Variants in AGBL4 observed in about 807,000 individuals in gnomAD.
AGBL4 encodes the protein AGBL carboxypeptidase 4.
A neutral mutation model predicts 66.4 loss-of-function variants in AGBL4; 58 were observed. The observed-to-expected ratio is 0.87, with a 90% CI of 0.71 to 1.09. The LOEUF is 1.09. Among genes scored for constraint, AGBL4 ranks in the 50% least tolerant of loss-of-function variants. The pLI is 0.00. For missense variants in AGBL4, 579 were observed against 631.0 expected (o/e 0.92, Z 0.88); for synonymous variants, 234 against 222.9 (o/e 1.05, Z -0.44).
intron 2 of AGBL4, among the ~76,000 whole-genome samples, chr1:49,723,061 T>C (rs1648733980): frequency 6.6e-6 from 1 of 152,136 alleles, no homozygotes; most frequent in Admixed American, 6.6e-5. Context: ...TTATCCTTTT[T>C]TTCAACAACG....
intron 1 of AGBL4, among the ~76,000 whole-genome samples, chr1:49,933,526 G>A (rs1653584810): frequency 6.6e-6 from 1 of 152,036 alleles, no homozygotes. Flanking sequence ...TAATGATAGA[G>A]TATAAATAAC....
In AGBL4 at chr1:48,747,383, G is replaced by A. The variant is rs560640547; in HGVS notation, c.635-84142C>T. Among the ~76,000 whole-genome samples, 133 of 152,284 alleles carry A rather than the reference G, an allele frequency of 8.7e-4. 1 individual carries two copies. Among genetic ancestry groups the A allele is most frequent in the African/African-American group, 3.2e-3 (132 of 41,548 alleles). ...AAGCTTTTAAAAAGTATGAAAGGTA[G>A]TACTTGTCTTTTCATTCAATCATTC... On this transcript the variant is annotated intron_variant, in intron 6 of 13. Transcript: ENST00000371839.
chr1:49,762,066 CA>C (rs1231981330), intron 2 of AGBL4, among the ~76,000 whole-genome samples: 1 of 152,146 alleles, frequency 6.6e-6, no homozygotes, highest in African/African-American at 2.4e-5. Flanking sequence ...TTTGACATAC[CA>C]ATTTCATCTC....
At chr1:49,483,297 A>G (rs1177802198) in intron 3 of AGBL4, among the ~76,000 whole-genome samples, 2 of 152,080 alleles carry the variant, frequency 1.3e-5, no homozygotes, top group Non-Finnish European at 2.9e-5. Context: ...GGCAATAAAA[A>G]CTATAAAACA....
chr1:49,374,611 C>G (rs1644433816), intron 3 of AGBL4, among the ~76,000 whole-genome samples: 1 of 152,116 alleles, frequency 6.6e-6, no homozygotes, highest in Non-Finnish European at 1.5e-5. Flanking sequence ...ATGTAGTGCT[C>G]TCAAAGAATT....
intron 6 of AGBL4, among the ~76,000 whole-genome samples, chr1:48,776,415 T>A (rs748893286): frequency 6.6e-5 from 10 of 152,004 alleles, no homozygotes; most frequent in Non-Finnish European, 1.2e-4. Flanking sequence ...AAGGGGACCA[T>A]CCGGTCTTTT....
chr1:49,733,158 C>G (rs1288815859), intron 2 of AGBL4, among the ~76,000 whole-genome samples: 1 of 152,126 alleles, frequency 6.6e-6, no homozygotes, highest in Non-Finnish European at 1.5e-5. Flanking sequence ...AGGAAAACTA[C>G]TTTCAACAAA....
At chr1:48,539,464 T>C (rs996961392) in intron 12 of AGBL4, among the ~76,000 whole-genome samples, 178 bp downstream of exon 12, 2 of 151,894 alleles carry the variant, frequency 1.3e-5, no homozygotes, top group Non-Finnish European at 2.9e-5. Context: ...AATGACACTT[T>C]CTTTATGCTC....
At chr1:48,855,123 G>A (rs1570840545) in intron 6 of AGBL4, among the ~76,000 whole-genome samples, 1 of 152,110 alleles carries the variant, frequency 6.6e-6, no homozygotes. Flanking sequence ...CTAGGCCTGA[G>A]GCCTGCCTTC....
At chr1:48,891,247 A>AGTAT (rs1650931738) in intron 5 of AGBL4, among the ~76,000 whole-genome samples, 1 of 150,472 alleles carries the variant, frequency 6.6e-6, no homozygotes, top group Non-Finnish European at 1.5e-5. Flanking sequence ...AGTGTGGATC[A>AGTAT]GGTCACAGGA....
At chr1:48,583,341 C>A (rs1557804774) in intron 11 of AGBL4, among the ~76,000 whole-genome samples, 2 of 152,194 alleles carry the variant, frequency 1.3e-5, no homozygotes, top group South Asian at 4.1e-4. Context: ...AAGCTATTTC[C>A]TTTAACCTCA....
At chr1:49,472,439 T>C (rs1646763601) in intron 3 of AGBL4, among the ~76,000 whole-genome samples, 1 of 151,848 alleles carries the variant, frequency 6.6e-6, no homozygotes, top group African/African-American at 2.4e-5. Flanking sequence ...ATAAACAAGC[T>C]TGAAACAAAA....
chr1:49,796,157 C>T (rs751029007), intron 2 of AGBL4, among the ~76,000 whole-genome samples: 2 of 151,686 alleles, frequency 1.3e-5, no homozygotes, highest in African/African-American at 2.4e-5. Context: ...CAAATATTAA[C>T]AAATACATTA....
chr1:49,151,489 A>G (rs1336498082), intron 4 of AGBL4, among the ~76,000 whole-genome samples: 1 of 151,344 alleles, frequency 6.6e-6, no homozygotes, highest in Non-Finnish European at 1.5e-5. Flanking sequence ...ATGTTGGCCC[A>G]TTACCCATCT....
At chr1:49,015,968 C>T (rs1662791139) in intron 5 of AGBL4, among the ~76,000 whole-genome samples, 1 of 152,128 alleles carries the variant, frequency 6.6e-6, no homozygotes, top group African/African-American at 2.4e-5. Context: ...GTCACATATG[C>T]CTTCAAGCCT....
rs904890799 is a variant in AGBL4, at chr1:48,539,068, CCTT to C, written c.1364+571_1364+573del. 2.2e-4 allele frequency among the ~76,000 whole-genome samples: 33 copies of C among 152,244 alleles called. 1 individual carries two copies. Among genetic ancestry groups the C allele is most frequent in the Admixed American group, 2.0e-3 (31 of 15,288 alleles). On this transcript the variant is annotated intron_variant, in intron 12 of 13. Coordinates refer to ENST00000371839, the MANE Select transcript of AGBL4 (RefSeq NM_032785.4). Reference sequence around the variant, plus strand: ...GACAGGATGGAGGCTCACCTCCTGACCTTCTCTCCTCAGCAGCCCTGCAAGTTG... The same window carrying C: ...GACAGGATGGAGGCTCACCTCCTGACCTCTCCTCAGCAGCCCTGCAAGTTG...
chr1:49,547,171 A>AT (rs1436029593), intron 3 of AGBL4, among the ~76,000 whole-genome samples: 1 of 152,044 alleles, frequency 6.6e-6, no homozygotes, highest in East Asian at 1.9e-4. Flanking sequence ...TCTTGTGTTG[A>AT]TTTTTTAATA....
At position 49,615,844 on chromosome 1, in the gene AGBL4, T is replaced by C. The variant is rs560844308; in HGVS notation, c.282+81469A>G. Reference sequence around the variant, plus strand: ...GCACTATGGAGGATACAAGGAAATATGGCACTTTTAATGACACTTTTCCTG... The same window carrying C: ...GCACTATGGAGGATACAAGGAAATACGGCACTTTTAATGACACTTTTCCTG... On this transcript the variant is annotated intron_variant, in intron 3 of 13. Transcript: ENST00000371839. 2.0e-5 allele frequency among the ~76,000 whole-genome samples: 3 copies of C among 152,228 alleles called. No individual in the cohort carries two copies. The East Asian group carries it at 5.8e-4, about 29-fold the overall frequency.
chr1:49,601,350 T>G (rs1016994607), intron 3 of AGBL4, among the ~76,000 whole-genome samples: 1 of 152,040 alleles, frequency 6.6e-6, no homozygotes, highest in African/African-American at 2.4e-5. Flanking sequence ...TTTTTTCTAA[T>G]CTTATCTTCA....
Sources: gnomAD v4.1 joint callset for allele counts (sites outside exome capture counted in the v4.1 genomes callset) on GRCh38, gnomAD v4.1.1 for gene constraint, MANE v1.5 for transcripts, NCBI Gene and HGNC (gene_info 2026-07-23, HGNC 2026-07-21) for gene names.